The following FRY variants were observed in gnomAD, a reference collection of about 807,000 sequenced individuals.
FRY encodes protein furry homolog.
Under a neutral mutation model 348.4 loss-of-function variants are expected in FRY, and 128 were observed. The ratio of observed to expected loss-of-function variants is 0.37; its 90% CI spans 0.32 to 0.43. The LOEUF is 0.43. Ranked by LOEUF, FRY falls within the 20% of genes least tolerant of loss-of-function variation. The pLI, the probability that FRY is intolerant of heterozygous loss-of-function variation, is 1.00. For missense variants in FRY, 2,736 were observed against 3,695.2 expected (o/e 0.74, Z 6.73); for synonymous variants, 1,370 against 1,374.7 (o/e 1.00, Z 0.08).
At chr13:32,153,687 T>C (rs1195923342) in intron 14 of FRY, among the ~76,000 whole-genome samples, 1 of 152,168 alleles carries the variant, frequency 6.6e-6, no homozygotes, top group African/African-American at 2.4e-5. Context: ...GTAATTTATA[T>C]CTCAATAAAC....
intron 29 of FRY, among the ~76,000 whole-genome samples, chr13:32,199,590 G>A (rs1342087186): frequency 6.6e-6 from 1 of 152,140 alleles, no homozygotes; most frequent in East Asian, 1.9e-4. Flanking sequence ...GAAAGGACAT[G>A]AGATACTTCT....
chr13:32,199,104 A>G (rs1566126487), intron 29 of FRY, among the ~76,000 whole-genome samples: 1 of 152,234 alleles, frequency 6.6e-6, no homozygotes, highest in Non-Finnish European at 1.5e-5. Context: ...TGGGGTCAAC[A>G]TCTATGGAGA....
In FRY at chr13:32,224,251, C is replaced by A. The variant is rs1033537073; in HGVS notation, c.4782C>A (p.Pro1594=). Residue 1594 remains proline, a synonymous_variant, in exon 37 of 61, where the codon CCC becomes CCA. Transcript: ENST00000542859. ...YDEDKNDPIS[P]YTGWLLTITE... ...ACCCTCCAGATGATCCAATTTCTCC[C>A]TACACGGGCTGGTTGCTGACTATTA... 2.5e-6 allele frequency: 4 copies of A among 1,613,996 alleles called. No homozygotes were observed. The highest frequency in any genetic ancestry group is 3.4e-6 in the Non-Finnish European group (4 of 1,179,976).
intron 51 of FRY, chr13:32,257,909 A>C: frequency 6.7e-7 from 1 of 1,491,422 alleles, no homozygotes; most frequent in Non-Finnish European, 9.3e-7. Flanking sequence ...CTTTAATATA[A>C]TCATTGTAAA....
Position 32,099,655 on chromosome 13 carries a change from A to G in FRY, c.271-2308A>G, listed in dbSNP as rs191159647. ...TAGATACTTCAAATCCTTCTACCAGATATGTAAAAATTTCTTTCTGAAATG... is the reference window on the plus strand; with the variant it reads ...TAGATACTTCAAATCCTTCTACCAGGTATGTAAAAATTTCTTTCTGAAATG... On this transcript the variant is annotated intron_variant, in intron 2 of 60. Transcript: ENST00000542859. Among the ~76,000 whole-genome samples, 277 of 152,128 alleles carry G rather than the reference A, an allele frequency of 1.8e-3. 2 individuals are homozygous for G. The highest frequency in any genetic ancestry group is 6.3e-3 in the African/African-American group (260 of 41,412).
chr13:32,293,724 G>A (rs1889489684), intron 59 of FRY, among the ~76,000 whole-genome samples: 1 of 152,122 alleles, frequency 6.6e-6, no homozygotes, highest in South Asian at 2.1e-4. Flanking sequence ...TACTGCTGTA[G>A]CATTAATACA....
intron 55 of FRY, among the ~76,000 whole-genome samples, chr13:32,274,564 C>CATA (rs1888402940): frequency 6.6e-6 from 1 of 151,516 alleles, no homozygotes; most frequent in Admixed American, 6.6e-5. Context: ...ATTAGCCAGG[C>CATA]GTGGTGGCAG....
At chr13:32,271,018 A>G (rs57664702) in intron 55 of FRY, among the ~76,000 whole-genome samples, 1 of 152,170 alleles carries the variant, frequency 6.6e-6, no homozygotes. Context: ...TGCGGCCACC[A>G]TTCAGCCTGA....
chr13:32,104,361 C>CTTT (rs1201624057), intron 3 of FRY, among the ~76,000 whole-genome samples: 1 of 152,200 alleles, frequency 6.6e-6, no homozygotes, highest in Non-Finnish European at 1.5e-5. Flanking sequence ...TGGGAGCTTG[C>CTTT]TAGAAATGCA....
intron 55 of FRY, among the ~76,000 whole-genome samples, chr13:32,271,418 G>A (rs190361474): frequency 4.1e-4 from 63 of 152,272 alleles, no homozygotes; most frequent in African/African-American, 1.1e-3. Context: ...CTAGCAAGCC[G>A]TCAGCACAGG....
At chr13:32,199,952 A>C (rs539725239) in intron 29 of FRY, among the ~76,000 whole-genome samples, 1 of 152,342 alleles carries the variant, frequency 6.6e-6, no homozygotes, top group Admixed American at 6.5e-5. Context: ...CTAAGTCCAC[A>C]GTCAAGGGGC....
chr13:32,283,584 T>TCTC (rs1463261574), intron 58 of FRY, among the ~76,000 whole-genome samples: 1 of 152,186 alleles, frequency 6.6e-6, no homozygotes, highest in Non-Finnish European at 1.5e-5. Flanking sequence ...GGAGGAAAAT[T>TCTC]CTCAGCGCAT....
At chr13:32,173,758 C>T (rs1419915783) in intron 19 of FRY, among the ~76,000 whole-genome samples, 8 of 152,044 alleles carry the variant, frequency 5.3e-5, no homozygotes, top group Admixed American at 5.2e-4. Flanking sequence ...AAAGACAAAT[C>T]CCAGTTCTCC....
intron 14 of FRY, among the ~76,000 whole-genome samples, chr13:32,151,391 G>A (rs187264141): frequency 8.5e-5 from 13 of 152,322 alleles, no homozygotes; most frequent in East Asian, 3.9e-4. Flanking sequence ...TCATTTATCA[G>A]TAGTTGGTAA....
intron 2 of FRY, among the ~76,000 whole-genome samples, chr13:32,091,509 T>G (rs1593602024): frequency 6.6e-6 from 1 of 152,340 alleles, no homozygotes. Flanking sequence ...ATGAAAACAT[T>G]TGGGACCCCG....
At position 32,239,143 on chromosome 13, in the gene FRY, A is replaced by G; in HGVS notation, c.6419-109A>G. 1 of 772,128 alleles carries G rather than the reference A, an allele frequency of 1.3e-6. No individual in the cohort carries two copies. Among genetic ancestry groups the G allele is most frequent in the Non-Finnish European group, 2.3e-6 (1 of 428,608 alleles). The allele number at this position is 772,128 out of a possible 1,614,324, so 47.8% of individuals were successfully genotyped here. ...TAGATCATGTTTAAGCTGATTCAAA[A>G]AACTGCTTTTGCATCACCTCAGTAT... is the stretch of plus-strand genomic sequence containing the variant. On this transcript the variant is annotated intron_variant, in intron 44 of 60. Coordinates refer to ENST00000542859, the MANE Select transcript of FRY (RefSeq NM_023037.3). This position sits in a 1 kb window ranked among gnomAD's most constrained non-coding sequence, Gnocchi z 4.3.
intron 13 of FRY, among the ~76,000 whole-genome samples, chr13:32,148,301 C>T (rs1310124052): frequency 6.6e-6 from 1 of 152,122 alleles, no homozygotes; most frequent in Non-Finnish European, 1.5e-5. Context: ...AGCAAAGGGT[C>T]TGGCGTTCAG....
At chr13:32,100,142 G>A (rs2138626540) in intron 2 of FRY, among the ~76,000 whole-genome samples, 1 of 145,894 alleles carries the variant, frequency 6.9e-6, no homozygotes, top group African/African-American at 2.5e-5. Context: ...GTCTTGCTCT[G>A]TCACCAGGCT....
chr13:32,075,074 T>G (rs1874951709), intron 1 of FRY, among the ~76,000 whole-genome samples: 1 of 151,918 alleles, frequency 6.6e-6, no homozygotes, highest in Non-Finnish European at 1.5e-5. Context: ...CCATGTTTTA[T>G]TTTGTTTTTT....
Sources: allele counts gnomAD v4.1 joint callset (sites outside exome capture counted in the v4.1 genomes callset), GRCh38; gene constraint gnomAD v4.1.1; non-coding constraint Gnocchi (gnomAD v3.1); transcripts MANE v1.5; gene names NCBI Gene and HGNC (gene_info 2026-07-23, HGNC 2026-07-21).